WWOX: variants seen among roughly 807,000 people sequenced by gnomAD.
The protein encoded by WWOX is WW domain containing oxidoreductase, also known as WW domain-containing oxidoreductase.
In WWOX, 69 loss-of-function variants were observed where a neutral mutation model predicts 46.2. The observed-to-expected ratio is 1.49, with a 90% CI of 1.23 to 1.82. The LOEUF is 1.82. WWOX is among the 40% of genes most tolerant of loss of function. WWOX has a pLI of 0.00. For synonymous variants in WWOX, 359 were observed against 202.6 expected (o/e 1.77, Z -6.56); for missense variants, 919 against 542.6 (o/e 1.69, Z -6.89).
At chr16:78,170,869 G>T (rs2035134368) in intron 5 of WWOX, among the ~76,000 whole-genome samples, 1 of 152,250 alleles carries the variant, frequency 6.6e-6, no homozygotes, top group Admixed American at 6.5e-5. Flanking sequence ...ATTAGCCAGA[G>T]GTAATGGAAT....
intron 8 of WWOX, among the ~76,000 whole-genome samples, chr16:78,567,583 G>GTT (rs201892418): frequency 6.9e-6 from 1 of 145,542 alleles, no homozygotes; most frequent in Admixed American, 6.9e-5. Context: ...AAAGAAGTGA[G>GTT]TTTTTTTTGT....
chr16:78,429,779 C>T (rs760189581), intron 7 of WWOX, among the ~76,000 whole-genome samples: 1 of 152,000 alleles, frequency 6.6e-6, no homozygotes, highest in Admixed American at 6.6e-5. Flanking sequence ...ATTTTCAATT[C>T]GATATGATAG....
intron 8 of WWOX, among the ~76,000 whole-genome samples, chr16:79,187,761 C>T (rs1280146126): frequency 6.6e-6 from 1 of 152,124 alleles, no homozygotes; most frequent in Non-Finnish European, 1.5e-5. Flanking sequence ...AGGCTGGTCT[C>T]GAACTCCTGG....
intron 5 of WWOX, among the ~76,000 whole-genome samples, chr16:78,198,788 A>T (rs76771971): frequency 0.035 from 5,307 of 151,110 alleles, 173 homozygotes; most frequent in East Asian, 0.17. Flanking sequence ...TAAACATTTT[A>T]TATATATATA....
At chr16:78,971,474 A>T in intron 8 of WWOX, among the ~76,000 whole-genome samples, 1 of 141,288 alleles carries the variant, frequency 7.1e-6, no homozygotes, top group African/African-American at 2.9e-5. Flanking sequence ...AAAAAAAAAA[A>T]GAGAGAGATA....
rs528052527 is a variant in WWOX, at chr16:78,466,174, G to C, written c.1056+33422G>C. Among the ~76,000 whole-genome samples the C allele has an allele frequency of 3.3e-5, 5 of 152,152 alleles. No homozygotes were observed. The East Asian group carries it at 9.7e-4, about 29-fold the overall frequency. On this transcript the variant is annotated intron_variant, in intron 8 of 8. Transcript: ENST00000566780. ...AGCCTTCCTAGTAGCTGGGACTATA[G>C]GTGCCCGCCACCATGCTTGGCTAAT...
chr16:78,702,449 G>C (rs2048244782), intron 8 of WWOX, among the ~76,000 whole-genome samples: 1 of 151,618 alleles, frequency 6.6e-6, no homozygotes, highest in Admixed American at 6.6e-5. Flanking sequence ...TCAGGAGTTT[G>C]AGACCAGCCT....
At chr16:78,214,668 G>A (rs1459579914) in intron 5 of WWOX, among the ~76,000 whole-genome samples, 1 of 152,126 alleles carries the variant, frequency 6.6e-6, no homozygotes, top group East Asian at 1.9e-4. Flanking sequence ...TAAAAGCAAG[G>A]CAAGGCCTTT....
chr16:78,301,900 C>G (rs185395441), intron 5 of WWOX, among the ~76,000 whole-genome samples: 1 of 151,722 alleles, frequency 6.6e-6, no homozygotes, highest in African/African-American at 2.4e-5. Context: ...AGTAAGGCCT[C>G]TTCTACCCAT....
intron 8 of WWOX, among the ~76,000 whole-genome samples, chr16:79,156,299 C>A (rs1284006225): frequency 6.6e-6 from 1 of 152,114 alleles, no homozygotes; most frequent in Non-Finnish European, 1.5e-5. Flanking sequence ...ATAGCTAAGA[C>A]CCAGGTGCGC....
intron 8 of WWOX, among the ~76,000 whole-genome samples, chr16:78,940,078 C>T (rs551215321): frequency 2.6e-5 from 4 of 152,248 alleles, no homozygotes; most frequent in East Asian, 1.9e-4. Flanking sequence ...TACAAAAATG[C>T]ATTTGAGGTG....
chr16:78,508,831 T>G (rs1567613165), intron 8 of WWOX, among the ~76,000 whole-genome samples: 1 of 152,304 alleles, frequency 6.6e-6, no homozygotes, highest in East Asian at 1.9e-4. Flanking sequence ...AAGGGGTGAT[T>G]ACTGTTTCCT....
At chr16:78,861,995 ATATG>A (rs898926264) in intron 8 of WWOX, among the ~76,000 whole-genome samples, 6 of 152,126 alleles carry the variant, frequency 3.9e-5, no homozygotes, top group African/African-American at 1.4e-4. Flanking sequence ...AACTAATACT[ATATG>A]TGTGTGTGTA....
chr16:78,158,815 C>A (rs989318376), intron 4 of WWOX, among the ~76,000 whole-genome samples: 1 of 152,064 alleles, frequency 6.6e-6, no homozygotes, highest in African/African-American at 2.4e-5. Context: ...ACCTGTGAAA[C>A]CATTATATTT....
chr16:78,505,880 G>A lies in WWOX; in HGVS notation c.1056+73128G>A, dbSNP rs544846275. On this transcript the variant is annotated intron_variant, in intron 8 of 8. Transcript: ENST00000566780. ...ACTCCAGGGCCATGGAGGAAGATTC[G>A]GCCTTTCTCTCCCTAATCATGAGCA... is the stretch of plus-strand genomic sequence containing the variant. Among the ~76,000 whole-genome samples, 4 of 152,240 alleles carry A rather than the reference G, an allele frequency of 2.6e-5. No individual in the cohort carries two copies. In the South Asian group the frequency reaches 6.2e-4, roughly 24 times the overall value.
At chr16:78,357,682 A>G (rs1476017196) in intron 5 of WWOX, among the ~76,000 whole-genome samples, 1 of 152,192 alleles carries the variant, frequency 6.6e-6, no homozygotes, top group African/African-American at 2.4e-5. Context: ...GTTATTATCA[A>G]TACTAGCTGT....
At chr16:79,070,098 C>G (rs1453222713) in intron 8 of WWOX, among the ~76,000 whole-genome samples, 3 of 152,168 alleles carry the variant, frequency 2.0e-5, no homozygotes, top group Non-Finnish European at 4.4e-5. Context: ...ACTTATCATT[C>G]AAAGATTGGG....
chr16:78,195,553 G>A (rs950543297), intron 5 of WWOX, among the ~76,000 whole-genome samples: 3 of 151,894 alleles, frequency 2.0e-5, no homozygotes, highest in African/African-American at 7.3e-5. Context: ...AAAAAAGAGC[G>A]GCTCACACCT....
intron 8 of WWOX, among the ~76,000 whole-genome samples, chr16:78,674,758 G>A (rs771932124): frequency 6.6e-6 from 1 of 151,576 alleles, no homozygotes; most frequent in South Asian, 2.1e-4. Context: ...ACTGAAAAGA[G>A]GAGTAATGGA....
Sources: allele counts gnomAD v4.1 joint callset (sites outside exome capture counted in the v4.1 genomes callset), GRCh38; gene constraint gnomAD v4.1.1; transcripts MANE v1.5; gene names NCBI Gene and HGNC (gene_info 2026-07-23, HGNC 2026-07-21).